Variants in ALPL observed in about 807,000 individuals in gnomAD.
The protein encoded by ALPL is alkaline phosphatase, tissue-nonspecific isozyme.
Under a neutral mutation model 51.3 loss-of-function variants are expected in ALPL, and 42 were observed. The ratio of observed to expected loss-of-function variants is 0.82; its 90% CI spans 0.64 to 1.06. The LOEUF (loss-of-function observed/expected upper bound fraction) is 1.06. Ranked by LOEUF, ALPL falls within the 50% of genes least tolerant of loss-of-function variation. The pLI is 0.00. For missense variants in ALPL, 589 were observed against 709.4 expected, an observed-to-expected ratio of 0.83 and a Z score of 1.93; for synonymous variants, 279 against 296.4, an observed-to-expected ratio of 0.94 and a Z score of 0.60.
intron 1 of ALPL, among the ~76,000 whole-genome samples, chr1:21,532,366 A>G (rs1644042111): frequency 6.6e-6 from 1 of 151,720 alleles, no homozygotes; most frequent in East Asian, 1.9e-4. Context: ...TAATTTTTGT[A>G]TTTTTGTAGA....
intron 1 of ALPL, among the ~76,000 whole-genome samples, chr1:21,534,367 G>A (rs1308088127): frequency 1.3e-5 from 2 of 152,360 alleles, no homozygotes; most frequent in East Asian, 3.9e-4. Context: ...TAAGCCAGAA[G>A]TTAATTGAGG....
chr1:21,554,603 G>A (rs1456945839), intron 2 of ALPL, among the ~76,000 whole-genome samples: 3 of 150,706 alleles, frequency 2.0e-5, no homozygotes, highest in African/African-American at 7.3e-5. Flanking sequence ...CCATTCTCCT[G>A]CCTCAGCCTC....
chr1:21,567,437 G>T (rs1644581716), intron 6 of ALPL, among the ~76,000 whole-genome samples: 1 of 152,250 alleles, frequency 6.6e-6, no homozygotes, highest in South Asian at 2.1e-4. Flanking sequence ...GAGCCGTGAG[G>T]CCCGGCCCCG....
Position 21,568,040 on chromosome 1 carries a change from G to A in ALPL, c.649-64G>A, listed in dbSNP as rs1036978574. On this transcript the variant is annotated intron_variant, in intron 6 of 11. Transcript: ENST00000374840. ...ACTCCAGGAGTCCAGGTTCCAAGCC[G>A]AGGTCACTGGGGCTTCTGGGCATCT... 44 of 1,610,804 alleles carry A rather than the reference G, an allele frequency of 2.7e-5. No individual in the cohort carries two copies. The South Asian group carries it at 3.7e-4, about 14-fold the overall frequency.
chr1:21,570,338 C>G lies in ALPL; in HGVS notation c.826C>G (p.Leu276Val). The G allele has an allele frequency of 6.2e-7, 1 of 1,614,170 alleles. No homozygotes were observed. The highest frequency in any genetic ancestry group is 8.5e-7 in the Non-Finnish European group (1 of 1,180,028). The change falls in exon 8 of 12, where the codon CTG becomes GTG. Residue 276 changes from leucine (L) to valine (V), a missense_variant. Leu to Val is a conservative substitution (Grantham distance 32, BLOSUM62 1). Transcript: ENST00000374840. Reference protein sequence around the residue: ...SHFIWNRTELLTLDPHNVDYL... With the variant: ...SHFIWNRTELVTLDPHNVDYL... ...CTTCATCTGGAACCGCACGGAACTC[C>G]TGACCCTTGACCCCCACAATGTGGA...
chr1:21,552,305 C>T (rs1231414521), intron 1 of ALPL, among the ~76,000 whole-genome samples: 1 of 150,672 alleles, frequency 6.6e-6, no homozygotes, highest in Non-Finnish European at 1.5e-5. Context: ...CCAACATGGA[C>T]CCCATCTCTA....
intron 1 of ALPL, among the ~76,000 whole-genome samples, chr1:21,531,435 A>G (rs1570201287): frequency 1.3e-5 from 2 of 152,274 alleles, no homozygotes; most frequent in South Asian, 4.1e-4. Flanking sequence ...TGCTTTATGC[A>G]AGATACTTTT....
intron 1 of ALPL, among the ~76,000 whole-genome samples, chr1:21,540,443 C>T (rs145352971): frequency 5.6e-4 from 86 of 152,324 alleles, no homozygotes; most frequent in Non-Finnish European, 1.0e-3. Flanking sequence ...GAACCCAGAC[C>T]CTCAGGGTTT....
At chr1:21,516,893 G>A (rs1460638413) in intron 1 of ALPL, among the ~76,000 whole-genome samples, 1 of 152,110 alleles carries the variant, frequency 6.6e-6, no homozygotes, top group African/African-American at 2.4e-5. Flanking sequence ...AAAGGTTTTT[G>A]TCCTGGAATT....
At chr1:21,539,294 GGTT>G (rs1644150518) in intron 1 of ALPL, among the ~76,000 whole-genome samples, 1 of 152,156 alleles carries the variant, frequency 6.6e-6, no homozygotes, top group Non-Finnish European at 1.5e-5. Context: ...TTACCTTGAA[GGTT>G]GTTGTGGGGA....
intron 1 of ALPL, among the ~76,000 whole-genome samples, chr1:21,540,367 A>T (rs375203468): frequency 6.6e-6 from 1 of 152,058 alleles, no homozygotes. Context: ...CTGCCCACAG[A>T]GTTGGTTTGG....
chr1:21,554,829 C>CT (rs1644385220), intron 2 of ALPL, among the ~76,000 whole-genome samples: 1 of 122,972 alleles, frequency 8.1e-6, no homozygotes, highest in South Asian at 2.6e-4. Flanking sequence ...TTCTTTCTTT[C>CT]TTTCTTTCTT....
At chr1:21,512,865 A>T (rs373467354) in intron 1 of ALPL, among the ~76,000 whole-genome samples, 127 of 152,276 alleles carry the variant, frequency 8.3e-4, no homozygotes, top group African/African-American at 3.0e-3. Context: ...ATTAAGGGGT[A>T]AAATTTGAGA....
chr1:21,551,566 A>G (rs1644321129), intron 1 of ALPL: 1 of 151,756 alleles, frequency 6.6e-6, no homozygotes, highest in Admixed American at 6.6e-5. Flanking sequence ...AAAAAAATGT[A>G]GGAATCATCT....
intron 1 of ALPL, among the ~76,000 whole-genome samples, chr1:21,514,108 A>G (rs906834655): frequency 1.3e-5 from 2 of 152,226 alleles, no homozygotes; most frequent in Non-Finnish European, 2.9e-5. Context: ...ATAGCCTGGC[A>G]ACATCTACAA....
chr1:21,557,954 G>A (rs1007758823), intron 2 of ALPL, among the ~76,000 whole-genome samples: 2 of 152,178 alleles, frequency 1.3e-5, no homozygotes, highest in African/African-American at 4.8e-5. Context: ...GACTTGCTTT[G>A]CCTGTTTTGA....
intron 1 of ALPL, among the ~76,000 whole-genome samples, chr1:21,539,609 A>G (rs918654987): frequency 6.6e-6 from 1 of 150,564 alleles, no homozygotes; most frequent in African/African-American, 2.4e-5. Flanking sequence ...GTGCTGTGTG[A>G]CACTGGGGAG....
chr1:21,520,990 A>T (rs1048883765), intron 1 of ALPL, among the ~76,000 whole-genome samples: 2 of 151,252 alleles, frequency 1.3e-5, no homozygotes, highest in Non-Finnish European at 3.0e-5. Flanking sequence ...CCCTGCAGCA[A>T]CCTCTCCCTG....
rs1448636469 is a variant in ALPL at position 21,553,961 on chromosome 1, C to CT, written c.-104-10dup. 2.3e-6 allele frequency: 2 copies of CT among 877,454 alleles called. No homozygotes were observed. The highest frequency in any genetic ancestry group is 3.6e-5 in the Admixed American group (2 of 55,394). The allele number at this position is 877,454 out of a possible 1,614,324, so 54.4% of individuals were successfully genotyped here. ...CTGTGCCCCACATGCCTCTTTTTCT[C>CT]TTTTTTTAATTTCTAGGATTGGAAC... is the stretch of plus-strand genomic sequence containing the variant. On this transcript the variant is annotated splice_polypyrimidine_tract_variant and intron_variant, in intron 1 of 11. Coordinates refer to ENST00000374840, the MANE Select transcript of ALPL (RefSeq NM_000478.6).
Sources: allele counts gnomAD v4.1 joint callset (sites outside exome capture counted in the v4.1 genomes callset), GRCh38; gene constraint gnomAD v4.1.1; transcripts MANE v1.5; gene names NCBI Gene and HGNC (gene_info 2026-07-23, HGNC 2026-07-21).